The following VSNL1 variants were observed in gnomAD, a reference collection of about 807,000 sequenced individuals.
VSNL1 encodes the protein visinin-like protein 1.
A neutral mutation model predicts 20.4 loss-of-function variants in VSNL1; 6 were observed. That is an observed-to-expected ratio of 0.29 (90% CI 0.16 to 0.58). The LOEUF is 0.58. Ranked by LOEUF, VSNL1 falls within the 20% of genes least tolerant of loss-of-function variation. VSNL1 has a pLI of 0.90. For missense variants in VSNL1, 100 were observed against 234.5 expected (o/e 0.43, Z 3.75); for synonymous variants, 93 against 86.4 (o/e 1.08, Z -0.42).
intron 2 of VSNL1, among the ~76,000 whole-genome samples, chr2:17,625,431 A>G (rs976135508): frequency 6.6e-6 from 1 of 152,212 alleles, no homozygotes; most frequent in African/African-American, 2.4e-5. Flanking sequence ...TTATAATTCC[A>G]TATAGCAATT....
At chr2:17,638,743 C>A (rs1417059011) in intron 2 of VSNL1, among the ~76,000 whole-genome samples, 2 of 152,224 alleles carry the variant, frequency 1.3e-5, no homozygotes, top group Non-Finnish European at 2.9e-5. Context: ...GAGATCTAGT[C>A]TCTAAGTTGG....
At chr2:17,605,562 A>G (rs1270055544) in intron 2 of VSNL1, among the ~76,000 whole-genome samples, 1 of 152,212 alleles carries the variant, frequency 6.6e-6, no homozygotes, top group South Asian at 2.1e-4. Flanking sequence ...CACTGATGCA[A>G]GAGAAAGGCT....
chr2:17,617,860 C>T (rs1283227514), intron 2 of VSNL1, among the ~76,000 whole-genome samples: 1 of 152,014 alleles, frequency 6.6e-6, no homozygotes, highest in Non-Finnish European at 1.5e-5. Flanking sequence ...GATGCCTTCA[C>T]CTGCATACAT....
At chr2:17,614,223 G>A (rs1665159928) in intron 2 of VSNL1, among the ~76,000 whole-genome samples, 1 of 152,222 alleles carries the variant, frequency 6.6e-6, no homozygotes, top group South Asian at 2.1e-4. Context: ...TTGCTTGCAT[G>A]GCAACGTAGA....
At chr2:17,578,565 A>G (rs1664272534) in intron 1 of VSNL1, among the ~76,000 whole-genome samples, 1 of 152,302 alleles carries the variant, frequency 6.6e-6, no homozygotes, top group Middle Eastern at 3.4e-3. Context: ...TGTCATCCCC[A>G]CAGGGTGCCA....
chr2:17,649,361 C>T lies in VSNL1; in HGVS notation c.163-49C>T. The T allele has an allele frequency of 1.3e-6, 2 of 1,587,840 alleles. No individual in the cohort carries two copies. Among genetic ancestry groups the T allele is most frequent in the Admixed American group, 1.7e-5 (1 of 59,936 alleles). Reference sequence around the variant, plus strand: ...GTCATTAGGAACCTACCTCGTCGCCCCGATTCCATCCCCTCCCGACACCTG... The same window carrying T: ...GTCATTAGGAACCTACCTCGTCGCCTCGATTCCATCCCCTCCCGACACCTG... On this transcript the variant is annotated intron_variant, in intron 2 of 3. Coordinates refer to ENST00000295156, the MANE Select transcript of VSNL1 (RefSeq NM_003385.5). The surrounding 1 kb of genome is among the most constrained non-coding windows in gnomAD (Gnocchi z 6.4).
intron 3 of VSNL1, among the ~76,000 whole-genome samples, chr2:17,652,043 G>A (rs976900743): frequency 2.0e-5 from 3 of 152,194 alleles, no homozygotes; most frequent in Non-Finnish European, 4.4e-5. Context: ...CCCAATTTGT[G>A]ACCATTTTGG....
intron 2 of VSNL1, among the ~76,000 whole-genome samples, chr2:17,628,624 T>C (rs1665563474): frequency 6.6e-6 from 1 of 152,326 alleles, no homozygotes; most frequent in African/African-American, 2.4e-5. Context: ...GTTGTTAGAA[T>C]ACCTCCCTCT....
chr2:17,563,143 G>A (rs1307542509), intron 1 of VSNL1, among the ~76,000 whole-genome samples: 1 of 152,158 alleles, frequency 6.6e-6, no homozygotes, highest in Admixed American at 6.5e-5. Context: ...CCACCAGAAA[G>A]GTGAGATAAA....
At chr2:17,641,928 G>A (rs1665890480) in intron 2 of VSNL1, among the ~76,000 whole-genome samples, 1 of 152,178 alleles carries the variant, frequency 6.6e-6, no homozygotes, top group Non-Finnish European at 1.5e-5. Flanking sequence ...TTTGGTCAAT[G>A]ACAAATCCAA....
intron 2 of VSNL1, among the ~76,000 whole-genome samples, chr2:17,603,959 G>T (rs1055472654): frequency 6.6e-6 from 1 of 152,312 alleles, no homozygotes; most frequent in East Asian, 1.9e-4. Context: ...TCTGTACCTT[G>T]TGTGTACAGT....
At chr2:17,592,636 CTCTCTTTTTTTTT>C (rs1664617111) in intron 2 of VSNL1, among the ~76,000 whole-genome samples, 2 of 83,002 alleles carry the variant, frequency 2.4e-5, no homozygotes, top group Middle Eastern at 6.0e-3. Flanking sequence ...TTCTCTCTCT[CTCTCTTTTTTTTT>C]TTTTTTTTTT....
intron 1 of VSNL1, among the ~76,000 whole-genome samples, chr2:17,578,774 TCCAGC>T (rs1166577670): frequency 6.6e-6 from 1 of 152,268 alleles, no homozygotes; most frequent in African/African-American, 2.4e-5. Flanking sequence ...AGTGCTTTGT[TCCAGC>T]CTTGCTGGAT....
At chr2:17,622,159 A>G (rs1159295667) in intron 2 of VSNL1, among the ~76,000 whole-genome samples, 1 of 151,402 alleles carries the variant, frequency 6.6e-6, no homozygotes, top group Non-Finnish European at 1.5e-5. Context: ...CTACTAGCTC[A>G]TCCTACAAAT....
chr2:17,541,215 A>C (rs1663278231), intron 1 of VSNL1: 1 of 152,210 alleles, frequency 6.6e-6, no homozygotes, highest in Non-Finnish European at 1.5e-5. Context: ...TCTTAGACAG[A>C]TTTAAGTAGC....
intron 1 of VSNL1, among the ~76,000 whole-genome samples, chr2:17,542,976 A>G (rs899899859): frequency 6.6e-6 from 1 of 152,210 alleles, no homozygotes. Context: ...AGTAATGTTG[A>G]GTGGAAATGT....
chr2:17,550,816 G>A (rs1663516514), intron 1 of VSNL1, among the ~76,000 whole-genome samples: 1 of 152,172 alleles, frequency 6.6e-6, no homozygotes, highest in Non-Finnish European at 1.5e-5. Flanking sequence ...ATGAAAATCT[G>A]AACCTTACTT....
At chr2:17,602,880 A>G (rs1664863658) in intron 2 of VSNL1, among the ~76,000 whole-genome samples, 1 of 152,236 alleles carries the variant, frequency 6.6e-6, no homozygotes, top group Non-Finnish European at 1.5e-5. Flanking sequence ...AATGGCGTCT[A>G]AAAGGAGTCT....
At chr2:17,609,008 A>G (rs1033190136) in intron 2 of VSNL1, among the ~76,000 whole-genome samples, 11 of 152,248 alleles carry the variant, frequency 7.2e-5, no homozygotes, top group African/African-American at 2.4e-4. Flanking sequence ...ACATGCACAT[A>G]TATATATTCA....
Sources: allele counts gnomAD v4.1 joint callset (sites outside exome capture counted in the v4.1 genomes callset), GRCh38; gene constraint gnomAD v4.1.1; non-coding constraint Gnocchi (gnomAD v3.1); transcripts MANE v1.5; gene names NCBI Gene and HGNC (gene_info 2026-07-23, HGNC 2026-07-21).